TTC23L: variants seen among roughly 807,000 people sequenced by gnomAD.
TTC23L encodes tetratricopeptide repeat protein 23-like.
TTC23L carries 42 observed loss-of-function variants against 48.1 expected under a neutral mutation model. That is an observed-to-expected ratio of 0.87 (90% CI 0.68 to 1.13). The LOEUF is 1.13. Ranked by LOEUF, TTC23L falls within the 50% of genes most tolerant of loss-of-function variation. TTC23L has a pLI of 0.00. For synonymous variants in TTC23L, 159 were observed against 157.2 expected (o/e 1.01, Z -0.09); for missense variants, 391 against 421.0 (o/e 0.93, Z 0.62).
chr5:34,919,340 T>TG, the TTC23L span, among the ~76,000 whole-genome samples: 3 of 150,868 alleles, frequency 2.0e-5, no homozygotes, highest in African/African-American at 7.3e-5. Context: ...ATATGGCTGT[T>TG]GTTGTGCTTA....
the TTC23L span, among the ~76,000 whole-genome samples, chr5:34,910,057 G>A: frequency 2.1e-4 from 32 of 152,166 alleles, 1 homozygote; most frequent in South Asian, 6.4e-3. Flanking sequence ...ACCCAGCCAT[G>A]ATGATGGTTC....
At chr5:34,916,093 A>G in the TTC23L span, 1 of 570,478 alleles carries the variant, frequency 1.8e-6, no homozygotes, top group Non-Finnish European at 2.8e-6. Flanking sequence ...GTCTTCCTGG[A>G]GGCGGCGGGT....
intron 9 of TTC23L, among the ~76,000 whole-genome samples, chr5:34,886,376 A>AAAC (rs1433941096): frequency 1.3e-5 from 2 of 151,828 alleles, no homozygotes; most frequent in Non-Finnish European, 2.9e-5. Flanking sequence ...AAAAAAAAAA[A>AAAC]AAAAAAACGT....
At chr5:34,885,215 A>G (rs1404098870) in intron 9 of TTC23L, among the ~76,000 whole-genome samples, 1 of 152,244 alleles carries the variant, frequency 6.6e-6, no homozygotes, top group Non-Finnish European at 1.5e-5. Flanking sequence ...TGAAAGACCA[A>G]AAGGGCAGGA....
the TTC23L span, chr5:34,922,335 GTTCTTTGTACC>G: frequency 8.3e-7 from 1 of 1,209,620 alleles, no homozygotes; most frequent in South Asian, 1.3e-5. Context: ...AAGTGGATTT[GTTCTTTGTACC>G]TTTTATGTTA....
At chr5:34,918,547 A>G in the TTC23L span, 3 of 864,356 alleles carry the variant, frequency 3.5e-6, no homozygotes, top group South Asian at 4.3e-5. Context: ...CACTTATTTT[A>G]TATATTCTTC....
At chr5:34,866,959 A>G in exon 7 of TTC23L, 1 of 1,610,686 alleles carries the variant, frequency 6.2e-7, no homozygotes. Context: ...TGGCGATGTT[A>G]TTGCTGCCAA....
intron 9 of TTC23L, among the ~76,000 whole-genome samples, chr5:34,881,229 A>G (rs1762205535): frequency 6.6e-6 from 1 of 152,218 alleles, no homozygotes; most frequent in South Asian, 2.1e-4. Context: ...CTTCGGATCT[A>G]GCTACTAGTT....
the TTC23L span, chr5:34,907,159 A>C: frequency 3.3e-5 from 5 of 152,178 alleles, no homozygotes; most frequent in Non-Finnish European, 5.9e-5. Context: ...CTTTGCTGTA[A>C]TACTCTCCAA....
chr5:34,849,154 C>T (rs1759460852), intron 3 of TTC23L, among the ~76,000 whole-genome samples: 1 of 151,852 alleles, frequency 6.6e-6, no homozygotes, highest in Non-Finnish European at 1.5e-5. Flanking sequence ...ATTATTCCAG[C>T]TAATGTATGA....
intron 1 of TTC23L, among the ~76,000 whole-genome samples, chr5:34,840,186 C>A (rs1049657960): frequency 6.7e-6 from 1 of 150,148 alleles, no homozygotes; most frequent in East Asian, 2.0e-4. Flanking sequence ...GCCTCTGTAC[C>A]CGCCTCGTGA....
intron 9 of TTC23L, among the ~76,000 whole-genome samples, chr5:34,888,845 G>A (rs1338029299): frequency 1.3e-5 from 2 of 152,186 alleles, no homozygotes; most frequent in Non-Finnish European, 2.9e-5. Context: ...CAGTGTGATA[G>A]TTATGATATG....
At chr5:34,853,173 G>A (rs1199284490) in intron 4 of TTC23L, among the ~76,000 whole-genome samples, 1 of 152,168 alleles carries the variant, frequency 6.6e-6, no homozygotes, top group Non-Finnish European at 1.5e-5. Flanking sequence ...AAAGATGTTA[G>A]TCTGGGAGAA....
chr5:34,865,316 C>T (rs529883965), intron 6 of TTC23L, among the ~76,000 whole-genome samples: 1 of 152,146 alleles, frequency 6.6e-6, no homozygotes, highest in African/African-American at 2.4e-5. Flanking sequence ...AAATGAAATA[C>T]ATGCGTCATG....
the TTC23L span, chr5:34,919,894 A>G: frequency 9.4e-7 from 1 of 1,065,810 alleles, no homozygotes; most frequent in Non-Finnish European, 1.4e-6. Flanking sequence ...GTAATTTTGG[A>G]AAGTAATTGC....
the TTC23L span, chr5:34,911,463 GGAT>G: frequency 6.9e-7 from 1 of 1,452,342 alleles, no homozygotes; most frequent in Non-Finnish European, 9.3e-7. Context: ...CTAAAAATGT[GGAT>G]AATAAAAATT....
At chr5:34,924,690 GA>G in the TTC23L span, among the ~76,000 whole-genome samples, 1 of 152,124 alleles carries the variant, frequency 6.6e-6, no homozygotes. Flanking sequence ...ATAGATTTCA[GA>G]AAATATTGAT....
the TTC23L span, chr5:34,919,927 A>G: frequency 1.4e-6 from 1 of 723,700 alleles, no homozygotes. Flanking sequence ...TTAAAATGTT[A>G]ACAGTGGCTT....
At chr5:34,875,410 G>A (rs1279039749) in intron 8 of TTC23L, among the ~76,000 whole-genome samples, 1 of 152,142 alleles carries the variant, frequency 6.6e-6, no homozygotes, top group Non-Finnish European at 1.5e-5. Flanking sequence ...GAGGAGCAAG[G>A]AAGCCAGTCC....
Sources: allele counts gnomAD v4.1 joint callset (sites outside exome capture counted in the v4.1 genomes callset), GRCh38; gene constraint gnomAD v4.1.1; transcripts MANE v1.5; gene names NCBI Gene and HGNC (gene_info 2026-07-23, HGNC 2026-07-21).